Variants in DIS3L2 observed in about 807,000 individuals in gnomAD.
DIS3L2 encodes the protein DIS3-like exonuclease 2.
A neutral mutation model predicts 97.5 loss-of-function variants in DIS3L2; 34 were observed. That is an observed-to-expected ratio of 0.35 (90% CI 0.27 to 0.46). The LOEUF is 0.46. Ranked by LOEUF, DIS3L2 falls within the 20% of genes least tolerant of loss-of-function variation. DIS3L2 has a pLI of 1.00. For synonymous variants in DIS3L2, 435 were observed against 445.2 expected (o/e 0.98, Z 0.29); for missense variants, 1,038 against 1,146.0 (o/e 0.91, Z 1.36).
At chr2:232,126,283 A>G (rs1259684590) in intron 6 of DIS3L2, among the ~76,000 whole-genome samples, 3 of 152,224 alleles carry the variant, frequency 2.0e-5, no homozygotes, top group Non-Finnish European at 2.9e-5. Context: ...CTGGGCCTGT[A>G]TGTTAGAAAG....
At chr2:232,274,324 C>T (rs1486142422) in intron 13 of DIS3L2, among the ~76,000 whole-genome samples, 2 of 152,176 alleles carry the variant, frequency 1.3e-5, no homozygotes, top group Admixed American at 1.3e-4. Flanking sequence ...TCTCCTCTTT[C>T]TGTTCACGGG....
intron 13 of DIS3L2, among the ~76,000 whole-genome samples, chr2:232,264,595 A>G (rs1324916185): frequency 1.3e-5 from 2 of 152,160 alleles, no homozygotes; most frequent in African/African-American, 2.4e-5. Context: ...TGCTCTGGGA[A>G]GTTTCCACGT....
chr2:232,282,139 A>AT (rs1437067738), intron 13 of DIS3L2, among the ~76,000 whole-genome samples: 5 of 91,526 alleles, frequency 5.5e-5, no homozygotes, highest in Non-Finnish European at 1.1e-4. Context: ...CTTCTCGTTT[A>AT]TTTAAAAAAA....
intron 11 of DIS3L2, among the ~76,000 whole-genome samples, chr2:232,241,333 G>A (rs1693075063): frequency 6.6e-6 from 1 of 152,236 alleles, no homozygotes; most frequent in East Asian, 1.9e-4. Context: ...ACAGGGGAAG[G>A]GGGGCTGGGG....
intron 17 of DIS3L2, 43 bp from the exon 18 acceptor site, chr2:232,334,325 AG>A (rs1251401096): frequency 6.3e-7 from 1 of 1,599,792 alleles, no homozygotes; most frequent in Non-Finnish European, 8.5e-7. Flanking sequence ...AGCTCTTCCC[AG>A]CCCCCCAGGC....
intron 14 of DIS3L2, among the ~76,000 whole-genome samples, chr2:232,312,792 T>C (rs1695171777): frequency 6.6e-6 from 1 of 152,242 alleles, no homozygotes; most frequent in South Asian, 2.1e-4. Flanking sequence ...CTGTTAGAGA[T>C]CTTGCTCATG....
chr2:232,026,694 A>T (rs1195020662), intron 4 of DIS3L2, among the ~76,000 whole-genome samples: 1 of 152,048 alleles, frequency 6.6e-6, no homozygotes, highest in African/African-American at 2.4e-5. Flanking sequence ...CAGAGGTCCT[A>T]TGGTTCCTGC....
intron 7 of DIS3L2, among the ~76,000 whole-genome samples, chr2:232,134,092 A>G (rs1395873191): frequency 6.6e-6 from 1 of 152,074 alleles, no homozygotes; most frequent in Non-Finnish European, 1.5e-5. Flanking sequence ...AGTAGAGATG[A>G]CACAGCAGAG....
intron 14 of DIS3L2, 28 bp from the exon 15 acceptor site, chr2:232,329,785 T>TGCCCGGGGGGGCCCCCCC: frequency 7.2e-6 from 7 of 967,106 alleles, no homozygotes; most frequent in African/African-American, 1.7e-5. Flanking sequence ...ACCCCAGCGG[T>TGCCCGGGGGGGCCCCCCC]CCCTCCCATC....
intron 5 of DIS3L2, among the ~76,000 whole-genome samples, chr2:232,042,422 T>G (rs1009827243): frequency 2.6e-5 from 4 of 152,118 alleles, no homozygotes; most frequent in Non-Finnish European, 5.9e-5. Context: ...TTAGAATTTC[T>G]TAGAACTGTT....
chr2:232,024,024 A>C (rs1204468323), intron 3 of DIS3L2, among the ~76,000 whole-genome samples: 2 of 152,180 alleles, frequency 1.3e-5, no homozygotes. Flanking sequence ...ACTCTACGCC[A>C]AGCTCTGTTG....
At chr2:232,217,209 A>G (rs1574951745) in intron 10 of DIS3L2, among the ~76,000 whole-genome samples, 1 of 152,118 alleles carries the variant, frequency 6.6e-6, no homozygotes, top group African/African-American at 2.4e-5. Flanking sequence ...GAGGGATCAC[A>G]CCTGGCCATA....
chr2:232,136,396 A>G (rs1385908857), intron 7 of DIS3L2, 76 bp from the exon 8 acceptor site: 3 of 1,558,492 alleles, frequency 1.9e-6, no homozygotes, highest in Non-Finnish European at 2.6e-6. Context: ...TGATCAAATT[A>G]TAACCTGCTG....
At chr2:232,036,654 G>A (rs1694956711) in intron 5 of DIS3L2, among the ~76,000 whole-genome samples, 1 of 152,154 alleles carries the variant, frequency 6.6e-6, no homozygotes, top group African/African-American at 2.4e-5. Context: ...CATCTTTGTG[G>A]ATTTATTTAC....
chr2:232,220,884 C>T (rs1019005921), intron 10 of DIS3L2, among the ~76,000 whole-genome samples: 1 of 151,826 alleles, frequency 6.6e-6, no homozygotes, highest in Non-Finnish European at 1.5e-5. Flanking sequence ...GGGTGGATCA[C>T]CTGATGTCAG....
At position 232,268,270 on chromosome 2, in the gene DIS3L2, C is replaced by G. The variant is rs1177300477; in HGVS notation, c.1659+4830C>G. Among the ~76,000 whole-genome samples the G allele has an allele frequency of 2.0e-5, 3 of 152,234 alleles. No individual in the cohort carries two copies. Among genetic ancestry groups the G allele is most frequent in the African/African-American group, 7.2e-5 (3 of 41,444 alleles). Reference sequence around the variant, plus strand: ...ACAACTGCATCTTGTATAAATCCTACTTGGTGCAATTTTGAAACCCAAACT... The same window carrying G: ...ACAACTGCATCTTGTATAAATCCTAGTTGGTGCAATTTTGAAACCCAAACT... On this transcript the variant is annotated intron_variant, in intron 13 of 20. Coordinates refer to ENST00000325385, the MANE Select transcript of DIS3L2 (RefSeq NM_152383.5). The surrounding 1 kb of genome is among the most constrained non-coding windows in gnomAD (Gnocchi z 4.1).
At chr2:232,223,505 C>A (rs1692560867) in intron 10 of DIS3L2, among the ~76,000 whole-genome samples, 1 of 152,136 alleles carries the variant, frequency 6.6e-6, no homozygotes, top group Admixed American at 6.5e-5. Context: ...GTTGCGTAAA[C>A]ACAACTTAGC....
intron 9 of DIS3L2, 88 bp downstream of exon 9, chr2:232,163,720 A>G: frequency 1.3e-5 from 18 of 1,421,844 alleles, no homozygotes; most frequent in Non-Finnish European, 1.5e-5. Flanking sequence ...TCATCTTTCC[A>G]CGAACATTCA....
At chr2:232,165,088 T>C (rs1690764788) in intron 9 of DIS3L2, among the ~76,000 whole-genome samples, 1 of 152,204 alleles carries the variant, frequency 6.6e-6, no homozygotes, top group Non-Finnish European at 1.5e-5. Context: ...CAAAAATATA[T>C]GTACAAGAAT....
Sources: gnomAD v4.1 joint callset for allele counts (sites outside exome capture counted in the v4.1 genomes callset) on GRCh38, gnomAD v4.1.1 for gene constraint, Gnocchi (gnomAD v3.1) non-coding constraint, MANE v1.5 for transcripts, NCBI Gene and HGNC (gene_info 2026-07-23, HGNC 2026-07-21) for gene names.